SLC4A4: variants seen among roughly 807,000 people sequenced by gnomAD.
SLC4A4 encodes the protein electrogenic sodium bicarbonate cotransporter 1.
In SLC4A4, 27 loss-of-function variants were observed where a neutral mutation model predicts 111.5. The observed-to-expected ratio is 0.24, with a 90% CI of 0.18 to 0.33. The LOEUF is 0.33. Among genes scored for constraint, SLC4A4 ranks in the 10% least tolerant of loss-of-function variants. The pLI is 1.00. For missense variants in SLC4A4, 909 were observed against 1,315.5 expected (o/e 0.69, Z 4.78); for synonymous variants, 443 against 463.4 (o/e 0.96, Z 0.57).
chr4:71,085,370 A>T (rs1742130324), intron 1 of SLC4A4, among the ~76,000 whole-genome samples: 1 of 151,756 alleles, frequency 6.6e-6, no homozygotes. Context: ...GTTCACTCTG[A>T]TGGTAGTTTC....
chr4:71,462,287 G>C (rs886961909), intron 12 of SLC4A4, among the ~76,000 whole-genome samples: 32 of 152,102 alleles, frequency 2.1e-4, no homozygotes, highest in Admixed American at 5.2e-4. Context: ...GTAGGATTTA[G>C]AAAGGTTACC....
At chr4:71,501,995 TC>T (rs1365230103) in intron 16 of SLC4A4, among the ~76,000 whole-genome samples, 1 of 152,076 alleles carries the variant, frequency 6.6e-6, no homozygotes, top group Non-Finnish European at 1.5e-5. Context: ...GGAGTCTTGC[TC>T]TGTTGCCCAG....
intron 1 of SLC4A4, among the ~76,000 whole-genome samples, chr4:71,190,867 T>C (rs1231733019): frequency 6.7e-6 from 1 of 148,178 alleles, no homozygotes; most frequent in Non-Finnish European, 1.5e-5. Flanking sequence ...TCCTTAATGA[T>C]AATGTCTTAC....
intron 1 of SLC4A4, among the ~76,000 whole-genome samples, chr4:71,232,022 G>A (rs191769411): frequency 8.5e-4 from 130 of 152,342 alleles, no homozygotes; most frequent in South Asian, 2.7e-3. Flanking sequence ...AAGCCTAGGT[G>A]CACCAGGCTG....
chr4:71,474,869 C>G (rs1410281705), intron 14 of SLC4A4, among the ~76,000 whole-genome samples: 3 of 151,536 alleles, frequency 2.0e-5, no homozygotes, highest in African/African-American at 7.3e-5. Context: ...GTCATTCAAC[C>G]CATGATATAT....
intron 1 of SLC4A4, among the ~76,000 whole-genome samples, chr4:71,202,206 A>T (rs1026575551): frequency 1.6e-4 from 24 of 152,226 alleles, no homozygotes; most frequent in Admixed American, 1.5e-3. Flanking sequence ...TCCGTATTTA[A>T]ATTCCATAAA....
In SLC4A4 at chr4:71,328,950, G is replaced by A. The variant is rs191792726; in HGVS notation, c.254-10420G>A. On this transcript the variant is annotated intron_variant, in intron 3 of 25. Coordinates refer to ENST00000264485, the MANE Select transcript of SLC4A4 (RefSeq NM_001098484.3). ...TTCTTGTAGTAGCTTCATAGTTTGA[G>A]GTTTTAAATTTAAGTCTTTAATCCA... is the stretch of plus-strand genomic sequence containing the variant. Among the ~76,000 whole-genome samples, 310 of 152,122 alleles carry A rather than the reference G, an allele frequency of 2.0e-3. 1 individual carries two copies. The highest frequency in any genetic ancestry group is 7.2e-3 in the African/African-American group (299 of 41,526).
chr4:71,499,073 A>AG (rs1415727878), intron 16 of SLC4A4, among the ~76,000 whole-genome samples: 2 of 94,222 alleles, frequency 2.1e-5, no homozygotes, highest in Non-Finnish European at 3.3e-5. Context: ...CTTTGAGGAC[A>AG]ATTTTTTTTT....
chr4:71,168,294 G>T (rs1245195835), intron 2 of SLC4A4, among the ~76,000 whole-genome samples: 4 of 146,572 alleles, frequency 2.7e-5, no homozygotes, highest in African/African-American at 1.0e-4. Flanking sequence ...TGATTCTCCT[G>T]CCTCAGCCTC....
chr4:71,532,198 G>C, intron 17 of SLC4A4, 23 bp downstream of exon 17: 2 of 1,283,722 alleles, frequency 1.6e-6, no homozygotes, highest in Non-Finnish European at 2.3e-6. Flanking sequence ...CTATCTTTTG[G>C]TCATTCCTGG....
rs10022349 is a variant in SLC4A4, at chr4:71,451,105, C to T, written c.1209-83C>T. On this transcript the variant is annotated intron_variant, in intron 10 of 25. Coordinates refer to ENST00000264485, the MANE Select transcript of SLC4A4 (RefSeq NM_001098484.3). Reference sequence around the variant, plus strand: ...ACCTTAAGGGTTTTCACTCCATCTCCCCATTAGCCAGAGCATGATACAGCT... The same window carrying T: ...ACCTTAAGGGTTTTCACTCCATCTCTCCATTAGCCAGAGCATGATACAGCT... 1 allele frequency: 891,311 copies of T among 893,700 alleles called. 444,487 individuals carry two copies. Among genetic ancestry groups the T allele is most frequent in the Non-Finnish European group, 1 (534,524 of 534,540 alleles). 55.4% of individuals were successfully genotyped at this position (893,700 alleles called of 1,614,324 possible). A position where few individuals can be genotyped will look rare whatever the true frequency, so the allele number is the denominator to read the frequency against.
intron 7 of SLC4A4, chr4:71,437,873 C>T (rs1724311787): frequency 5.4e-6 from 1 of 183,898 alleles, no homozygotes; most frequent in Non-Finnish European, 1.1e-5. Flanking sequence ...AAATGAGCTC[C>T]TGCAGCACCT....
intron 18 of SLC4A4, among the ~76,000 whole-genome samples, chr4:71,534,777 T>G (rs888373402): frequency 1.3e-4 from 20 of 152,166 alleles, no homozygotes; most frequent in Non-Finnish European, 2.6e-4. Context: ...CTCAGGTTTA[T>G]TCTTAAAGAT....
intron 13 of SLC4A4, among the ~76,000 whole-genome samples, chr4:71,472,313 A>T (rs10084913): frequency 9.2e-5 from 14 of 151,834 alleles, no homozygotes; most frequent in African/African-American, 3.1e-4. Context: ...ATTGATCTTC[A>T]TGTCTTTATG....
intron 12 of SLC4A4, among the ~76,000 whole-genome samples, chr4:71,465,903 A>C (rs1440811309): frequency 6.6e-6 from 1 of 152,132 alleles, no homozygotes; most frequent in African/African-American, 2.4e-5. Flanking sequence ...TTGGTGTCTT[A>C]GAAATTGCAG....
intron 2 of SLC4A4, among the ~76,000 whole-genome samples, chr4:71,100,352 A>C (rs1470701589): frequency 6.6e-6 from 1 of 151,986 alleles, no homozygotes; most frequent in East Asian, 1.9e-4. Context: ...AGACAAAAAA[A>C]AAACACATGA....
At chr4:71,117,847 G>C (rs1426476654) in intron 2 of SLC4A4, among the ~76,000 whole-genome samples, 1 of 149,104 alleles carries the variant, frequency 6.7e-6, no homozygotes, top group East Asian at 2.0e-4. Flanking sequence ...AAATCCATAA[G>C]TTTATTTCTT....
chr4:71,078,130 G>A (rs1358610172), intron 1 of SLC4A4, among the ~76,000 whole-genome samples: 1 of 152,068 alleles, frequency 6.6e-6, no homozygotes, highest in Non-Finnish European at 1.5e-5. Context: ...GAGTACTATG[G>A]TCTCATAAAG....
At chr4:71,370,032 A>T (rs948476703) in intron 6 of SLC4A4, among the ~76,000 whole-genome samples, 1 of 152,226 alleles carries the variant, frequency 6.6e-6, no homozygotes, top group Non-Finnish European at 1.5e-5. Flanking sequence ...TTAAAGGAAA[A>T]GTATGAGTTT....
Sources: allele counts gnomAD v4.1 joint callset (sites outside exome capture counted in the v4.1 genomes callset), GRCh38; gene constraint gnomAD v4.1.1; transcripts MANE v1.5; gene names NCBI Gene and HGNC (gene_info 2026-07-23, HGNC 2026-07-21).